ATE1: variants seen among roughly 807,000 people sequenced by gnomAD.
ATE1 encodes the protein arginyl-tRNA--protein transferase 1.
In ATE1, 36 loss-of-function variants were observed where a neutral mutation model predicts 70.5. The observed-to-expected ratio is 0.51, with a 90% CI of 0.39 to 0.67. The LOEUF is 0.67. ATE1 is among the 30% of genes least tolerant of loss of function. The pLI is 0.00. For missense variants in ATE1, 593 were observed against 629.5 expected (o/e 0.94, Z 0.62); for synonymous variants, 232 against 219.3 (o/e 1.06, Z -0.51).
Position 121,863,927 on chromosome 10 carries a change from A to G in ATE1, c.975+6079T>C, listed in dbSNP as rs150085736. On this transcript the variant is annotated intron_variant, in intron 8 of 11. Coordinates refer to ENST00000224652, the MANE Select transcript of ATE1 (RefSeq NM_001001976.3). The stretch of plus-strand genomic sequence containing the variant: ...ACTTTCCTAGGATAAGTATTCGTAT[A>G]GTAGTGTTTTACTCTAGCCTTTTAC... 3.4e-3 allele frequency among the ~76,000 whole-genome samples: 521 copies of G among 152,282 alleles called. 4 individuals are homozygous for G. Among genetic ancestry groups the G allele is most frequent in the Non-Finnish European group, 6.2e-3 (424 of 68,028 alleles).
intron 8 of ATE1, among the ~76,000 whole-genome samples, chr10:121,866,846 CAAAAAAA>C (rs35535465): frequency 3.9e-5 from 4 of 102,958 alleles, no homozygotes; most frequent in African/African-American, 1.3e-4. Flanking sequence ...GACTCTGTCT[CAAAAAAA>C]AAAAAAAAAA....
rs934429285 is a variant in ATE1, at chr10:121,788,196, GGC to G, written c.1378+1971_1378+1972del. Among the ~76,000 whole-genome samples, 160 of 152,262 alleles carry G rather than the reference GGC, an allele frequency of 1.1e-3. 1 individual carries two copies. Among genetic ancestry groups the G allele is most frequent in the African/African-American group, 3.6e-3 (148 of 41,550 alleles). ...TTTCTCTTATAATACTATTGCCTTTGGCTCTGAGCCTGACTCCAAAATTGATT... is the reference window on the plus strand; with the variant it reads ...TTTCTCTTATAATACTATTGCCTTTGTCTGAGCCTGACTCCAAAATTGATT... On this transcript the variant is annotated intron_variant, in intron 11 of 11. Transcript: ENST00000224652.
intron 8 of ATE1, among the ~76,000 whole-genome samples, chr10:121,842,051 C>T (rs10886995): frequency 0.3 from 45,983 of 152,024 alleles, 8,309 homozygotes; most frequent in Middle Eastern, 0.43. Flanking sequence ...TCTGTGAGTG[C>T]CTCAGCTCTG....
intron 9 of ATE1, among the ~76,000 whole-genome samples, chr10:121,838,752 T>C (rs1948521935): frequency 6.6e-6 from 1 of 152,164 alleles, no homozygotes; most frequent in African/African-American, 2.4e-5. Flanking sequence ...AAAATGTATC[T>C]TTCTAAAAAT....
At chr10:121,758,148 T>A (rs1289396929) in intron 11 of ATE1, among the ~76,000 whole-genome samples, 6 of 152,228 alleles carry the variant, frequency 3.9e-5, no homozygotes, top group South Asian at 2.1e-4. Context: ...ATAATTTTTT[T>A]AAAATTATCA....
At chr10:121,788,318 G>T (rs1213348978) in intron 11 of ATE1, among the ~76,000 whole-genome samples, 1 of 152,152 alleles carries the variant, frequency 6.6e-6, no homozygotes, top group Non-Finnish European at 1.5e-5. Context: ...AATAATTTCA[G>T]GTGTGGGAAC....
At chr10:121,914,707 C>G (rs941585219) in intron 3 of ATE1, among the ~76,000 whole-genome samples, 4 of 152,136 alleles carry the variant, frequency 2.6e-5, no homozygotes, top group Admixed American at 2.0e-4. Context: ...CCTACTCAAC[C>G]CAGCAGAAAA....
chr10:121,826,387 C>G (rs1479682328), intron 10 of ATE1, among the ~76,000 whole-genome samples: 2 of 152,136 alleles, frequency 1.3e-5, no homozygotes, highest in African/African-American at 4.8e-5. Flanking sequence ...CTTACTGCAA[C>G]CTCCACCTCG....
intron 11 of ATE1, among the ~76,000 whole-genome samples, chr10:121,758,355 T>C (rs1273296208): frequency 6.6e-6 from 1 of 152,226 alleles, no homozygotes; most frequent in African/African-American, 2.4e-5. Context: ...AAGGGAGTCA[T>C]AAGACTAATT....
At chr10:121,879,796 C>T (rs1950172865) in intron 7 of ATE1, among the ~76,000 whole-genome samples, 1 of 152,256 alleles carries the variant, frequency 6.6e-6, no homozygotes, top group Middle Eastern at 3.4e-3. Context: ...AAAACCTGTC[C>T]CCTTCTTGTT....
chr10:121,745,962 G>A (rs561061181), intron 11 of ATE1, among the ~76,000 whole-genome samples: 1 of 152,320 alleles, frequency 6.6e-6, no homozygotes, highest in East Asian at 1.9e-4. Flanking sequence ...AGTAGGCACA[G>A]TATAAACAAT....
chr10:121,877,500 G>A (rs535558470), intron 7 of ATE1, among the ~76,000 whole-genome samples: 1 of 151,794 alleles, frequency 6.6e-6, no homozygotes, highest in East Asian at 1.9e-4. Flanking sequence ...AAGATATTTA[G>A]AATATATATA....
chr10:121,856,880 G>T (rs1004334695), intron 8 of ATE1, among the ~76,000 whole-genome samples: 15 of 152,188 alleles, frequency 9.9e-5, no homozygotes, highest in African/African-American at 2.4e-4. Flanking sequence ...GGTTTCTAAA[G>T]AGAATAGTTC....
chr10:121,794,320 A>G (rs1428227400), intron 10 of ATE1, among the ~76,000 whole-genome samples: 1 of 152,200 alleles, frequency 6.6e-6, no homozygotes, highest in African/African-American at 2.4e-5. Flanking sequence ...GTACAAAAAT[A>G]TTACCAACAT....
intron 10 of ATE1, among the ~76,000 whole-genome samples, chr10:121,825,700 G>A (rs1371058872): frequency 6.6e-6 from 1 of 152,206 alleles, no homozygotes; most frequent in Non-Finnish European, 1.5e-5. Flanking sequence ...TGGTGAGGAT[G>A]TGGAGAAACT....
intron 7 of ATE1, among the ~76,000 whole-genome samples, chr10:121,870,828 A>G (rs1949829190): frequency 1.3e-5 from 2 of 152,218 alleles, no homozygotes; most frequent in South Asian, 4.1e-4. Flanking sequence ...ATGCATATAC[A>G]TGACGGTAAT....
chr10:121,869,776 TA>T (rs1294559794), intron 8 of ATE1, among the ~76,000 whole-genome samples: 1 of 152,032 alleles, frequency 6.6e-6, no homozygotes, highest in Non-Finnish European at 1.5e-5. Flanking sequence ...AAAATATACT[TA>T]AAAAGAGGCA....
intron 5 of ATE1, among the ~76,000 whole-genome samples, chr10:121,910,507 A>G (rs1284218224): frequency 6.6e-6 from 1 of 152,202 alleles, no homozygotes; most frequent in Non-Finnish European, 1.5e-5. Context: ...AAATTTAATG[A>G]TAAACTGAAG....
intron 3 of ATE1, among the ~76,000 whole-genome samples, chr10:121,919,857 C>T (rs879670823): frequency 6.6e-6 from 1 of 151,816 alleles, no homozygotes; most frequent in Non-Finnish European, 1.5e-5. Context: ...GAGATCACAC[C>T]ACTGCACTCC....
Sources: gnomAD v4.1 joint callset for allele counts (sites outside exome capture counted in the v4.1 genomes callset) on GRCh38, gnomAD v4.1.1 for gene constraint, MANE v1.5 for transcripts, NCBI Gene and HGNC (gene_info 2026-07-23, HGNC 2026-07-21) for gene names.